CHM: variants seen among roughly 807,000 people sequenced by gnomAD.
CHM encodes CHM Rab escort protein.
CHM carries 10 observed loss-of-function variants against 49.0 expected under a neutral mutation model. The observed-to-expected ratio is 0.20, with a 90% confidence interval of 0.13 to 0.35. The LOEUF is 0.35. Among genes scored for constraint, CHM ranks in the 10% least tolerant of loss-of-function variants. CHM has a pLI of 1.00. For missense variants in CHM, 455 were observed against 478.4 expected (o/e 0.95, Z 0.46); for synonymous variants, 184 against 167.5 (o/e 1.10, Z -0.76).
At chrX:85,882,989 A>T (rs1292336894) in intron 12 of CHM, among the ~76,000 whole-genome samples, 2 of 110,805 alleles carry the variant, frequency 1.8e-5, no homozygotes, top group Non-Finnish European at 3.8e-5. Flanking sequence ...CATCTTTAAG[A>T]CCTCTTCCGG....
intron 2 of CHM, among the ~76,000 whole-genome samples, chrX:86,021,241 C>T (rs1169324527): frequency 3.0e-5 from 3 of 99,865 alleles, no homozygotes; most frequent in Non-Finnish European, 6.0e-5. Flanking sequence ...GGGCTATTCA[C>T]CTGTAGTGGC....
intron 8 of CHM, among the ~76,000 whole-genome samples, chrX:85,951,240 G>A (rs966240844): frequency 9.0e-6 from 1 of 111,214 alleles, no homozygotes; most frequent in African/African-American, 3.3e-5. Context: ...ATAATCCAGA[G>A]AAAGCAAAAC....
chrX:86,029,259 TA>T (rs1409416639), intron 1 of CHM, among the ~76,000 whole-genome samples: 1 of 112,350 alleles, frequency 8.9e-6, no homozygotes, highest in Non-Finnish European at 1.9e-5. Context: ...ATGCAGTTTT[TA>T]AGTTAAAACC....
intron 9 of CHM, among the ~76,000 whole-genome samples, chrX:85,907,619 T>A (rs964258186): frequency 1.8e-5 from 2 of 112,169 alleles, no homozygotes; most frequent in East Asian, 5.6e-4. Context: ...TAGGTATGCA[T>A]TTGGTTACAT....
intron 14 of CHM, among the ~76,000 whole-genome samples, chrX:85,872,239 T>A (rs1008691335): frequency 1.8e-5 from 2 of 112,240 alleles, no homozygotes; most frequent in Admixed American, 9.5e-5. Context: ...CTTAGAACAA[T>A]GTTAAATTAC....
intron 14 of CHM, 72 bp from the exon 15 acceptor site, chrX:85,864,893 C>A: frequency 9.8e-7 from 1 of 1,016,155 alleles, no homozygotes; most frequent in Non-Finnish European, 1.4e-6. Context: ...CTGGCATTAA[C>A]TAAAAAAAAA....
intron 14 of CHM, among the ~76,000 whole-genome samples, chrX:85,872,190 A>C (rs1924117369): frequency 8.9e-6 from 1 of 112,058 alleles, no homozygotes; most frequent in Non-Finnish European, 1.9e-5. Context: ...CTACTATAAG[A>C]TCCTTGCCAC....
At chrX:85,960,702 A>G (rs904262557) in intron 5 of CHM, among the ~76,000 whole-genome samples, 1 of 111,439 alleles carries the variant, frequency 9.0e-6, no homozygotes, top group African/African-American at 3.3e-5. Context: ...CTGGGATTAC[A>G]GGACTGAGCC....
chrX:85,895,322 T>C (rs1417386055), intron 11 of CHM, among the ~76,000 whole-genome samples: 1 of 108,437 alleles, frequency 9.2e-6, no homozygotes, highest in Non-Finnish European at 1.9e-5. Context: ...TTTTGTATTT[T>C]TTGTAGAAAT....
intron 14 of CHM, among the ~76,000 whole-genome samples, chrX:85,867,527 G>A (rs1254779779): frequency 8.9e-6 from 1 of 112,252 alleles, no homozygotes; most frequent in Non-Finnish European, 1.9e-5. Context: ...CTGTTCAAAT[G>A]AAGAAAACTC....
intron 8 of CHM, among the ~76,000 whole-genome samples, chrX:85,934,728 G>C (rs773239425): frequency 4.2e-4 from 46 of 110,245 alleles, no homozygotes; most frequent in Non-Finnish European, 6.2e-4. Context: ...ATTGTGAATA[G>C]TGCCACAATA....
Position 85,981,804 on chromosome X carries a change from C to A in CHM, c.122G>T (p.Ser41Ile). 8.8e-7 allele frequency: 1 copy of A among 1,133,199 alleles called. No individual in the cohort carries two copies. Among genetic ancestry groups the A allele is most frequent in the Non-Finnish European group, 1.2e-6 (1 of 841,353 alleles). 93.4% of individuals were successfully genotyped at this position (1,133,199 alleles called of 1,213,427 possible). ...GRRVLHVDSR[S>I]YYGGNWASFS... ...ACTGGCCCAGTTTCCTCCATAGTAG[C>A]TTCTTCTGTAACAATTAAAAAAAAA... The change falls in exon 3 of 15, where the codon AGC becomes ATC. Residue 41 changes from serine (S) to isoleucine (I), a missense_variant. Ser to Ile is a moderately radical substitution (Grantham distance 142). Coordinates refer to ENST00000357749, the MANE Select transcript of CHM (RefSeq NM_000390.4).
At chrX:85,896,313 G>T (rs756650387) in intron 11 of CHM, among the ~76,000 whole-genome samples, 62 of 111,133 alleles carry the variant, frequency 5.6e-4, no homozygotes, top group African/African-American at 2.0e-3. Flanking sequence ...CAAGTCAGAG[G>T]TGATGAGAAC....
At chrX:86,008,463 A>G (rs1219354954) in intron 2 of CHM, among the ~76,000 whole-genome samples, 2 of 111,576 alleles carry the variant, frequency 1.8e-5, no homozygotes, top group Admixed American at 9.5e-5. Flanking sequence ...AAGTGATAGC[A>G]GTATGCTTTT....
chrX:85,902,789 T>C (rs1481133226), intron 9 of CHM, among the ~76,000 whole-genome samples: 1 of 112,012 alleles, frequency 8.9e-6, no homozygotes, highest in Non-Finnish European at 1.9e-5. Context: ...AGAAGAGAAA[T>C]CTGCTGTCAT....
chrX:85,883,295 T>A (rs1285793676), intron 12 of CHM, among the ~76,000 whole-genome samples: 1 of 111,436 alleles, frequency 9.0e-6, no homozygotes, highest in African/African-American at 3.3e-5. Flanking sequence ...TTAATTTACA[T>A]AGAGATCAAT....
At chrX:86,024,516 C>T (rs1035873386) in intron 2 of CHM, among the ~76,000 whole-genome samples, 1 of 111,964 alleles carries the variant, frequency 8.9e-6, no homozygotes, top group African/African-American at 3.2e-5. Context: ...TGAAGGATTT[C>T]ATGCAGCAGA....
chrX:85,935,182 G>A (rs2148199961), intron 8 of CHM, among the ~76,000 whole-genome samples: 1 of 111,180 alleles, frequency 9.0e-6, no homozygotes, highest in East Asian at 2.8e-4. Context: ...AAAAGAGGAC[G>A]AAGCAAGGGA....
chrX:85,876,549 C>T (rs1924425994), intron 13 of CHM, among the ~76,000 whole-genome samples: 1 of 111,341 alleles, frequency 9.0e-6, no homozygotes, highest in Non-Finnish European at 1.9e-5. Flanking sequence ...GTGACTTTGC[C>T]TTTTTGACCT....
Sources: gnomAD v4.1 joint callset for allele counts (sites outside exome capture counted in the v4.1 genomes callset) on GRCh38, gnomAD v4.1.1 for gene constraint, MANE v1.5 for transcripts, NCBI Gene and HGNC (gene_info 2026-07-23, HGNC 2026-07-21) for gene names.